The following RMDN2 variants were observed in gnomAD, a reference collection of about 807,000 sequenced individuals.
RMDN2 encodes the protein regulator of microtubule dynamics 2.
In RMDN2, 61 loss-of-function variants were observed where a neutral mutation model predicts 52.8. The ratio of observed to expected loss-of-function variants is 1.16; its 90% CI spans 0.94 to 1.43. The LOEUF (loss-of-function observed/expected upper bound fraction) is 1.43. RMDN2 is among the 40% of genes most tolerant of loss of function. RMDN2 has a pLI of 0.00. For synonymous variants in RMDN2, 180 were observed against 153.1 expected (o/e 1.18, Z -1.30); for missense variants, 592 against 475.3 (o/e 1.25, Z -2.28).
At chr2:38,019,408 A>G (rs76041048), downstream of RMDN2, among the ~76,000 whole-genome samples, 123 of 152,334 alleles carry the variant, frequency 8.1e-4, 2 homozygotes, top group East Asian at 0.018. Context: ...TATGTCTTCA[A>G]TGGACAAGTT....
chr2:38,061,158 C>A (rs1682028103), intron 10 of RMDN2, among the ~76,000 whole-genome samples: 1 of 152,100 alleles, frequency 6.6e-6, no homozygotes, highest in African/African-American at 2.4e-5. Flanking sequence ...GTCAGGGAAG[C>A]CTTCCTGAAG....
At chr2:37,922,745 C>A (rs112252520), upstream of RMDN2, among the ~76,000 whole-genome samples, 1 of 152,188 alleles carries the variant, frequency 6.6e-6, no homozygotes, top group East Asian at 1.9e-4. Flanking sequence ...TGGATGAATA[C>A]TTCTTATGGG....
chr2:37,977,606 CG>C (rs1233206808), intron 4 of RMDN2, among the ~76,000 whole-genome samples: 1 of 150,230 alleles, frequency 6.7e-6, no homozygotes, highest in African/African-American at 2.5e-5. Flanking sequence ...CTTCTCAGAC[CG>C]GGCGGCCGCT....
At chr2:37,995,444 A>G (rs527710725) in intron 7 of RMDN2, among the ~76,000 whole-genome samples, 1 of 152,228 alleles carries the variant, frequency 6.6e-6, no homozygotes, top group South Asian at 2.1e-4. Flanking sequence ...TTTAATTCAC[A>G]AGGAAAGTGT....
intron 2 of RMDN2, among the ~76,000 whole-genome samples, chr2:37,935,305 T>C (rs1380955573): frequency 6.6e-6 from 1 of 152,222 alleles, no homozygotes; most frequent in Non-Finnish European, 1.5e-5. Context: ...TATTTGAAAC[T>C]CTTAACTTTC....
rs375376144 is a variant in RMDN2, at chr2:38,003,992, C to A, written c.1046C>A (p.Ala349Asp). Residue 349 changes from alanine (A) to aspartate (D), a missense_variant and splice_region_variant, in exon 9 of 11, where the codon GCT becomes GAT. Transcript: ENST00000354545. The part of the protein sequence containing the change: ...VQEALHNFLK[A>D]EELCPGYSNP... Reference sequence around the variant, plus strand: ...TCTCATGTTTTTCTCTCAAATCAGGCTGAAGAACTATGCCCTGGTTATTCT... The same window carrying A: ...TCTCATGTTTTTCTCTCAAATCAGGATGAAGAACTATGCCCTGGTTATTCT... The A allele has an allele frequency of 1.2e-6, 2 of 1,610,802 alleles. No homozygotes were observed. Among genetic ancestry groups the A allele is most frequent in the Non-Finnish European group, 8.5e-7 (1 of 1,177,312 alleles).
At chr2:37,978,088 G>A (rs2125087010) in intron 4 of RMDN2, among the ~76,000 whole-genome samples, 1 of 152,334 alleles carries the variant, frequency 6.6e-6, no homozygotes, top group East Asian at 1.9e-4. Flanking sequence ...GGAGGCCGAG[G>A]CTGGCAGATC....
intron 10 of RMDN2, chr2:38,012,780 G>T: frequency 3.4e-6 from 1 of 292,022 alleles, no homozygotes. Context: ...TGCTAACCAA[G>T]TTTATTCATT....
At chr2:37,934,171 A>G (rs2124906288) in intron 2 of RMDN2, among the ~76,000 whole-genome samples, 1 of 152,362 alleles carries the variant, frequency 6.6e-6, no homozygotes, top group East Asian at 1.9e-4. Context: ...ACAATTTTCT[A>G]ATACTACTTG....
chr2:37,950,411 G>A (rs1668627915), intron 2 of RMDN2: 8 of 1,599,384 alleles, frequency 5.0e-6, no homozygotes, highest in Non-Finnish European at 6.8e-6. Context: ...CTGATGTCAT[G>A]AGATTCTAGA....
In RMDN2 at chr2:37,991,205, G is replaced by T; in HGVS notation, c.868-15G>T. 6.7e-7 allele frequency: 1 copy of T among 1,493,784 alleles called. No homozygotes were observed. Among genetic ancestry groups the T allele is most frequent in the Non-Finnish European group, 9.1e-7 (1 of 1,095,440 alleles). The allele number at this position is 1,493,784 out of a possible 1,614,324, so 92.5% of individuals were successfully genotyped here. On this transcript the variant is annotated splice_polypyrimidine_tract_variant and intron_variant, in intron 6 of 10. Coordinates refer to ENST00000354545, the MANE Select transcript of RMDN2 (RefSeq NM_001170791.3). ...GAAACTTGGGAGATGATTTTCCTTT[G>T]GATGCTTTTTTCAGGAACATCTAGA...
At chr2:37,985,552 G>T (rs991763683) in intron 5 of RMDN2, among the ~76,000 whole-genome samples, 1 of 152,088 alleles carries the variant, frequency 6.6e-6, no homozygotes, top group Non-Finnish European at 1.5e-5. Context: ...TTGAGGCTCA[G>T]TTATGCAACA....
At chr2:38,041,579 C>CT in intron 10 of RMDN2, among the ~76,000 whole-genome samples, 1 of 151,936 alleles carries the variant, frequency 6.6e-6, no homozygotes, top group South Asian at 2.1e-4. Context: ...AACTGTCGGC[C>CT]TTTTGTAGAT....
intron 2 of RMDN2, among the ~76,000 whole-genome samples, chr2:37,941,603 G>A (rs1667792718): frequency 6.6e-6 from 1 of 152,230 alleles, no homozygotes; most frequent in Non-Finnish European, 1.5e-5. Context: ...CAGAGAGGAG[G>A]AATCTAGAGA....
At chr2:37,987,745 T>G (rs915467013) in intron 5 of RMDN2, among the ~76,000 whole-genome samples, 1 of 152,128 alleles carries the variant, frequency 6.6e-6, no homozygotes, top group African/African-American at 2.4e-5. Flanking sequence ...AATGTACCAC[T>G]GTGAAGTGGG....
intron 2 of RMDN2, among the ~76,000 whole-genome samples, chr2:37,965,774 T>TAAA (rs1670960674): frequency 6.6e-6 from 1 of 152,236 alleles, no homozygotes; most frequent in Non-Finnish European, 1.5e-5. Flanking sequence ...GAGGGACTCC[T>TAAA]TTTAGCATTT....
chr2:38,058,684 T>C (rs1366140427), intron 10 of RMDN2, among the ~76,000 whole-genome samples: 1 of 152,226 alleles, frequency 6.6e-6, no homozygotes, highest in Non-Finnish European at 1.5e-5. Context: ...AGGTGTTCGT[T>C]TTCTGTGTTT....
At chr2:37,925,206 G>C (rs916675220), upstream of RMDN2, 8 of 152,408 alleles carry the variant, frequency 5.2e-5, no homozygotes, top group Admixed American at 2.0e-4. Context: ...AGTCCCGGTA[G>C]AGTTGAACCC....
chr2:38,018,136 T>C (rs1045851332), downstream of RMDN2, among the ~76,000 whole-genome samples: 1 of 152,234 alleles, frequency 6.6e-6, no homozygotes, highest in Non-Finnish European at 1.5e-5. Flanking sequence ...TGGGGCCACC[T>C]GGACGTATAA....
Sources: gnomAD v4.1 joint callset for allele counts (sites outside exome capture counted in the v4.1 genomes callset) on GRCh38, gnomAD v4.1.1 for gene constraint, MANE v1.5 for transcripts, NCBI Gene and HGNC (gene_info 2026-07-23, HGNC 2026-07-21) for gene names.